The following PPP1R12B variants were observed in gnomAD, a reference collection of about 807,000 sequenced individuals.
PPP1R12B encodes the protein protein phosphatase 1 regulatory subunit 12B.
In PPP1R12B, 76 loss-of-function variants were observed where a neutral mutation model predicts 126.1. The ratio of observed to expected loss-of-function variants is 0.60; its 90% CI spans 0.50 to 0.73. The LOEUF (loss-of-function observed/expected upper bound fraction) is 0.73. Among genes scored for constraint, PPP1R12B ranks in the 30% least tolerant of loss-of-function variants. PPP1R12B has a pLI of 0.00. For synonymous variants in PPP1R12B, 356 were observed against 434.7 expected (o/e 0.82, Z 2.25); for missense variants, 1,052 against 1,205.1 (o/e 0.87, Z 1.88).
At chr1:202,439,483 C>G (rs1161398900) in intron 10 of PPP1R12B, 1 of 1,503,622 alleles carries the variant, frequency 6.7e-7, no homozygotes, top group African/African-American at 1.4e-5. Flanking sequence ...GGTGCCTGGT[C>G]CAGCCCATGG....
At position 202,351,902 on chromosome 1, in the gene PPP1R12B, CCTT is replaced by C. The variant is rs527921197; in HGVS notation, c.291+2764_291+2766del. Among the ~76,000 whole-genome samples the C allele has an allele frequency of 2.4e-3, 373 of 152,270 alleles. 1 individual carries two copies. The highest frequency in any genetic ancestry group is 4.4e-3 in the Non-Finnish European group (298 of 68,022). Reference sequence around the variant, plus strand: ...TTGATGCTTCTTTTGGACTTAGAGACCTTCTTTCTTGGCAGCCTTTGCTGAGAC... The same window carrying C: ...TTGATGCTTCTTTTGGACTTAGAGACCTTTCTTGGCAGCCTTTGCTGAGAC... On this transcript the variant is annotated intron_variant, in intron 1 of 23. Coordinates refer to ENST00000608999, the MANE Select transcript of PPP1R12B (RefSeq NM_002481.4).
At chr1:202,566,052 TAA>T (rs1188677697) in intron 21 of PPP1R12B, among the ~76,000 whole-genome samples, 1 of 152,202 alleles carries the variant, frequency 6.6e-6, no homozygotes, top group African/African-American at 2.4e-5. Flanking sequence ...TACAGAAAAT[TAA>T]AGAGCAGTCA....
chr1:202,496,638 A>C, intron 17 of PPP1R12B, 143 bp from the exon 18 acceptor site: 2 of 651,710 alleles, frequency 3.1e-6, no homozygotes, highest in Non-Finnish European at 2.6e-6. Context: ...GAAAAGTAGC[A>C]GTAACAGAGC....
chr1:202,449,018 C>T lies in PPP1R12B; in HGVS notation c.1697C>T (p.Thr566Ile). Residue 566 changes from threonine (T) to isoleucine (I), a missense_variant, in exon 13 of 24, where the codon ACA (threonine) becomes ATA (isoleucine). Coordinates refer to ENST00000608999, the MANE Select transcript of PPP1R12B (RefSeq NM_002481.4). ...CCTCACAAATCCCAGGCCGACACAA[C>T]AGCAGAGAAAACAGCAGACAATGTC... ...RTPHKSQADT[T>I]AEKTADNVSS... 6.2e-7 allele frequency: 1 copy of T among 1,613,882 alleles called. No homozygotes were observed. The highest frequency in any genetic ancestry group is 1.1e-5 in the South Asian group (1 of 91,078).
Position 202,348,801 on chromosome 1 carries a change from A to G in PPP1R12B, c.-51A>G. The G allele has an allele frequency of 6.4e-7, 1 of 1,557,844 alleles. No individual in the cohort carries two copies. Among genetic ancestry groups the G allele is most frequent in the Non-Finnish European group, 8.6e-7 (1 of 1,156,618 alleles). Reference sequence around the variant, plus strand: ...AGGCGGCAGCGGCAACTCGAGCCCCAACAGTAATTTAGTGTTGGTAGTTTT... The same window carrying G: ...AGGCGGCAGCGGCAACTCGAGCCCCGACAGTAATTTAGTGTTGGTAGTTTT... On this transcript the variant is annotated 5_prime_UTR_variant, in exon 1 of 24. Coordinates refer to ENST00000608999, the MANE Select transcript of PPP1R12B (RefSeq NM_002481.4).
chr1:202,423,997 G>T (rs1669158303), intron 3 of PPP1R12B, among the ~76,000 whole-genome samples: 1 of 152,198 alleles, frequency 6.6e-6, no homozygotes, highest in Non-Finnish European at 1.5e-5. Context: ...GTGCGCTATT[G>T]AATTGAAGAA....
intron 18 of PPP1R12B, among the ~76,000 whole-genome samples, chr1:202,548,808 C>CTCTATATATA (rs1218548068): frequency 3.2e-4 from 23 of 72,990 alleles, no homozygotes; most frequent in South Asian, 5.9e-4. Context: ...CTCTCTCTCT[C>CTCTATATATA]TATATATATA....
At chr1:202,434,054 A>T (rs575243896) in intron 8 of PPP1R12B, among the ~76,000 whole-genome samples, 1 of 152,378 alleles carries the variant, frequency 6.6e-6, no homozygotes, top group African/African-American at 2.4e-5. Flanking sequence ...CTAGTAAGAC[A>T]CACTGTATCT....
intron 19 of PPP1R12B, among the ~76,000 whole-genome samples, chr1:202,560,383 A>G (rs1687392638): frequency 6.6e-6 from 1 of 152,230 alleles, no homozygotes; most frequent in Non-Finnish European, 1.5e-5. Context: ...TAGCTACTCC[A>G]TAGACAGAGC....
chr1:202,506,865 T>C (rs1680863711), intron 18 of PPP1R12B, among the ~76,000 whole-genome samples: 1 of 152,180 alleles, frequency 6.6e-6, no homozygotes, highest in Non-Finnish European at 1.5e-5. Context: ...TAAAGGAGTT[T>C]GTAAAAATTC....
chr1:202,574,559 G>A (rs1235384320), intron 23 of PPP1R12B, among the ~76,000 whole-genome samples: 1 of 152,138 alleles, frequency 6.6e-6, no homozygotes, highest in East Asian at 1.9e-4. Context: ...ATTAGAGGAA[G>A]GGAGAGAGAA....
chr1:202,369,321 G>A (rs1659819861), intron 1 of PPP1R12B, among the ~76,000 whole-genome samples: 1 of 152,180 alleles, frequency 6.6e-6, no homozygotes, highest in Non-Finnish European at 1.5e-5. Context: ...GTTTTAGAAG[G>A]GGGAAACAGT....
intron 20 of PPP1R12B, among the ~76,000 whole-genome samples, chr1:202,563,459 T>A (rs2149014671): frequency 6.6e-6 from 1 of 152,076 alleles, no homozygotes; most frequent in Non-Finnish European, 1.5e-5. Flanking sequence ...TAGAATCAGG[T>A]ATTTAGAAGT....
At chr1:202,486,159 G>A (rs1003761238) in intron 13 of PPP1R12B, among the ~76,000 whole-genome samples, 2 of 152,120 alleles carry the variant, frequency 1.3e-5, no homozygotes, top group East Asian at 1.9e-4. Flanking sequence ...TGGGATTACA[G>A]GCATGAGCTA....
chr1:202,434,808 C>G, intron 9 of PPP1R12B, 40 bp downstream of exon 9: 1 of 1,608,802 alleles, frequency 6.2e-7, no homozygotes. Context: ...AGATTTCACC[C>G]TACTGCAGTA....
At chr1:202,400,526 A>G (rs912171609) in intron 1 of PPP1R12B, among the ~76,000 whole-genome samples, 2 of 152,250 alleles carry the variant, frequency 1.3e-5, no homozygotes, top group Non-Finnish European at 2.9e-5. Context: ...CTTTCAGACC[A>G]TGTAGAAGCT....
chr1:202,510,059 T>C (rs1681256821), intron 18 of PPP1R12B, among the ~76,000 whole-genome samples: 3 of 152,344 alleles, frequency 2.0e-5, no homozygotes, highest in South Asian at 2.1e-4. Flanking sequence ...ATAGAATATG[T>C]ACTTTTAAAA....
chr1:202,548,773 G>GCTCT (rs1448463540), intron 18 of PPP1R12B, among the ~76,000 whole-genome samples: 7 of 106,870 alleles, frequency 6.6e-5, no homozygotes, highest in East Asian at 2.8e-4. Flanking sequence ...TCACTCGCTC[G>GCTCT]CTGTCTCTCT....
chr1:202,514,775 AT>A (rs1215751290), intron 18 of PPP1R12B, among the ~76,000 whole-genome samples: 1 of 152,106 alleles, frequency 6.6e-6, no homozygotes, highest in African/African-American at 2.4e-5. Flanking sequence ...ATTCTATTCC[AT>A]TGGTCTGTGT....
Sources: gnomAD v4.1 joint callset for allele counts (sites outside exome capture counted in the v4.1 genomes callset) on GRCh38, gnomAD v4.1.1 for gene constraint, MANE v1.5 for transcripts, NCBI Gene and HGNC (gene_info 2026-07-23, HGNC 2026-07-21) for gene names.